IQCJ: variants seen among roughly 807,000 people sequenced by gnomAD.
IQCJ encodes IQ domain-containing protein J.
Under a neutral mutation model 11.0 loss-of-function variants are expected in IQCJ, and 9 were observed. That is an observed-to-expected ratio of 0.82 (90% CI 0.49 to 1.43). The LOEUF is 1.43. Ranked by LOEUF, IQCJ falls within the 40% of genes most tolerant of loss-of-function variation. The probability of loss-of-function intolerance (pLI) is 0.00; values close to 1 mark genes in which losing one functional copy is unlikely to be tolerated. For missense variants in IQCJ, 146 were observed against 133.2 expected (o/e 1.10, Z -0.47); for synonymous variants, 55 against 51.3 (o/e 1.07, Z -0.31).
intron 1 of IQCJ, among the ~76,000 whole-genome samples, chr3:159,233,739 A>G (rs1386965658): frequency 6.6e-6 from 1 of 152,202 alleles, no homozygotes; most frequent in Non-Finnish European, 1.5e-5. Flanking sequence ...GACAAGTAAG[A>G]CATAATTGCT....
At chr3:159,108,319 C>T (rs1718400760) in intron 1 of IQCJ, among the ~76,000 whole-genome samples, 1 of 151,786 alleles carries the variant, frequency 6.6e-6, no homozygotes, top group South Asian at 2.1e-4. Context: ...ATCATTCGTT[C>T]CTTATAAACT....
intron 1 of IQCJ, among the ~76,000 whole-genome samples, chr3:159,106,185 A>C (rs114417175): frequency 6.6e-6 from 1 of 152,202 alleles, no homozygotes; most frequent in African/African-American, 2.4e-5. Context: ...AAGGCTTACA[A>C]TGGAGCAGGT....
downstream of IQCJ, chr3:159,265,926 A>C (rs763135418): frequency 6.5e-6 from 1 of 152,846 alleles, no homozygotes; most frequent in Admixed American, 6.5e-5. Context: ...ATGCTTTTGC[A>C]TGCTTCTGCT....
At chr3:159,129,430 C>A (rs1205119840) in intron 1 of IQCJ, among the ~76,000 whole-genome samples, 1 of 152,166 alleles carries the variant, frequency 6.6e-6, no homozygotes, top group Non-Finnish European at 1.5e-5. Context: ...TTATTTGTAA[C>A]CTCCTTGCCT....
intron 1 of IQCJ, among the ~76,000 whole-genome samples, chr3:159,190,563 G>A (rs1391816760): frequency 1.3e-5 from 2 of 152,202 alleles, no homozygotes; most frequent in African/African-American, 4.8e-5. Flanking sequence ...CATTTGACAG[G>A]AATTGAGGGA....
chr3:159,172,828 A>G (rs972831733), intron 1 of IQCJ, among the ~76,000 whole-genome samples: 6 of 152,170 alleles, frequency 3.9e-5, no homozygotes, highest in African/African-American at 1.4e-4. Flanking sequence ...ATGATAGAGC[A>G]TACAATGAAA....
chr3:159,136,917 A>G (rs1720321652), intron 1 of IQCJ, among the ~76,000 whole-genome samples: 1 of 152,190 alleles, frequency 6.6e-6, no homozygotes, highest in African/African-American at 2.4e-5. Flanking sequence ...GACAGCACAA[A>G]TACAAAGAAT....
At chr3:159,124,760 G>C (rs1719574712) in intron 1 of IQCJ, among the ~76,000 whole-genome samples, 1 of 152,164 alleles carries the variant, frequency 6.6e-6, no homozygotes, top group South Asian at 2.1e-4. Flanking sequence ...TGGAGTAGAT[G>C]CTCAAAACAT....
intron 1 of IQCJ, among the ~76,000 whole-genome samples, chr3:159,107,478 G>A (rs778295221): frequency 2.0e-5 from 3 of 152,270 alleles, no homozygotes; most frequent in Admixed American, 6.5e-5. Context: ...ACCCCAAGGC[G>A]ACTGAGATGC....
intron 1 of IQCJ, among the ~76,000 whole-genome samples, chr3:159,121,302 C>T (rs13326298): frequency 0.69 from 105,318 of 151,674 alleles, 36,612 homozygotes; most frequent in East Asian, 0.71. Flanking sequence ...CCCGGCTAAT[C>T]AAAAAAATTT....
chr3:159,196,764 A>G (rs1055153691), intron 1 of IQCJ, among the ~76,000 whole-genome samples: 1 of 152,168 alleles, frequency 6.6e-6, no homozygotes, highest in Admixed American at 6.6e-5. Flanking sequence ...AAATCAAGGC[A>G]CTGAGATGTT....
chr3:159,116,045 T>G (rs1718976230), intron 1 of IQCJ, among the ~76,000 whole-genome samples: 2 of 152,150 alleles, frequency 1.3e-5, no homozygotes. Flanking sequence ...GTTCTGCACA[T>G]GTACCCCAGA....
chr3:159,115,035 C>A (rs1366123663), intron 1 of IQCJ, among the ~76,000 whole-genome samples: 1 of 152,166 alleles, frequency 6.6e-6, no homozygotes, highest in Non-Finnish European at 1.5e-5. Context: ...TATTTCTAGT[C>A]CCTTAACTAG....
intron 1 of IQCJ, among the ~76,000 whole-genome samples, chr3:159,129,497 T>C (rs557497950): frequency 3.3e-5 from 5 of 152,266 alleles, no homozygotes; most frequent in African/African-American, 1.2e-4. Flanking sequence ...CTCAGCACTG[T>C]CATAAACTTG....
intron 1 of IQCJ, among the ~76,000 whole-genome samples, chr3:159,161,607 T>A (rs1560008791): frequency 1.3e-5 from 2 of 152,218 alleles, no homozygotes; most frequent in African/African-American, 4.8e-5. Flanking sequence ...TCCTTGCCCA[T>A]GCCTATGTCC....
intron 2 of IQCJ, among the ~76,000 whole-genome samples, chr3:159,250,310 G>C (rs3903320): frequency 0.65 from 98,953 of 151,930 alleles, 33,326 homozygotes; most frequent in Non-Finnish European, 0.76. Context: ...AAAACATTAG[G>C]TCTGTCTTTG....
At chr3:159,170,556 G>A (rs1174381537) in intron 1 of IQCJ, among the ~76,000 whole-genome samples, 1 of 151,898 alleles carries the variant, frequency 6.6e-6, no homozygotes, top group Non-Finnish European at 1.5e-5. Flanking sequence ...CTAAACTTTT[G>A]TAACTTTACG....
chr3:159,238,879 G>C (rs1047834092), intron 1 of IQCJ, among the ~76,000 whole-genome samples: 1 of 152,150 alleles, frequency 6.6e-6, no homozygotes, highest in African/African-American at 2.4e-5. Context: ...GGGAGAGGCA[G>C]GCTGGGCTTT....
intron 1 of IQCJ, among the ~76,000 whole-genome samples, chr3:159,093,396 A>G (rs1332972158): frequency 1.3e-5 from 2 of 151,856 alleles, no homozygotes; most frequent in Non-Finnish European, 2.9e-5. Context: ...TAATTCTTCG[A>G]TAATAGATGA....
Sources: gnomAD v4.1 joint callset for allele counts (sites outside exome capture counted in the v4.1 genomes callset) on GRCh38, gnomAD v4.1.1 for gene constraint, MANE v1.5 for transcripts, NCBI Gene and HGNC (gene_info 2026-07-23, HGNC 2026-07-21) for gene names.